NCAM1: variants seen among roughly 807,000 people sequenced by gnomAD.
The protein encoded by NCAM1 is neural cell adhesion molecule 1.
Under a neutral mutation model 109.8 loss-of-function variants are expected in NCAM1, and 14 were observed. That is an observed-to-expected ratio of 0.13 (90% confidence interval 0.08 to 0.20). NCAM1 has a LOEUF of 0.20. Among genes scored for constraint, NCAM1 ranks in the 10% least tolerant of loss-of-function variants. NCAM1 has a pLI of 1.00. For missense variants in NCAM1, 774 were observed against 1,109.9 expected (o/e 0.70, Z 4.30); for synonymous variants, 418 against 442.9 (o/e 0.94, Z 0.70).
At chr11:113,103,478 G>T (rs1939967965) in intron 1 of NCAM1, among the ~76,000 whole-genome samples, 1 of 152,150 alleles carries the variant, frequency 6.6e-6, no homozygotes, top group Admixed American at 6.5e-5. Context: ...TTGTTTGTCA[G>T]CAAAAACTCT....
intron 1 of NCAM1, among the ~76,000 whole-genome samples, chr11:113,195,455 CCACACACACA>C (rs10642528): frequency 7.1e-6 from 1 of 141,492 alleles, no homozygotes; most frequent in Non-Finnish European, 1.5e-5. Flanking sequence ...TAAATACACA[CCACACACACA>C]CACACACACA....
intron 1 of NCAM1, among the ~76,000 whole-genome samples, chr11:113,097,738 T>C (rs1045514304): frequency 6.6e-6 from 1 of 152,134 alleles, no homozygotes. Flanking sequence ...CAAAATAAAT[T>C]GACTTATCAT....
chr11:113,138,342 T>C (rs1941686206), intron 1 of NCAM1, among the ~76,000 whole-genome samples: 1 of 152,220 alleles, frequency 6.6e-6, no homozygotes, highest in Non-Finnish European at 1.5e-5. Flanking sequence ...CTATTCTTTC[T>C]GGTTATCTCA....
chr11:113,191,771 G>GTA (rs1477776957), intron 1 of NCAM1, among the ~76,000 whole-genome samples: 1 of 117,708 alleles, frequency 8.5e-6, no homozygotes, highest in African/African-American at 2.7e-5. Flanking sequence ...GTGTGTGTGT[G>GTA]TGTATATATA....
chr11:113,221,155 C>G (rs1467226712), intron 8 of NCAM1, 141 bp from the exon 9 acceptor site: 1 of 742,596 alleles, frequency 1.3e-6, no homozygotes, highest in Non-Finnish European at 2.2e-6. Flanking sequence ...ATAAACACAC[C>G]ATTGAAAGTG....
chr11:113,018,583 C>T (rs1179053165), intron 1 of NCAM1, among the ~76,000 whole-genome samples: 1 of 152,182 alleles, frequency 6.6e-6, no homozygotes, highest in Non-Finnish European at 1.5e-5. Flanking sequence ...TCATCTTAGT[C>T]ATGAAGACCT....
chr11:113,203,528 G>A (rs1295532172), intron 2 of NCAM1, among the ~76,000 whole-genome samples: 3 of 152,198 alleles, frequency 2.0e-5, no homozygotes, highest in Non-Finnish European at 2.9e-5. Context: ...GGATCTGAGC[G>A]CCCTTCCAGC....
chr11:113,181,388 C>A (rs1332019625), intron 1 of NCAM1, among the ~76,000 whole-genome samples: 1 of 152,140 alleles, frequency 6.6e-6, no homozygotes, highest in Non-Finnish European at 1.5e-5. Context: ...AGTAGGCTAA[C>A]AAATGATGGC....
At chr11:113,141,693 G>A (rs1387752231) in intron 1 of NCAM1, among the ~76,000 whole-genome samples, 2 of 151,954 alleles carry the variant, frequency 1.3e-5, no homozygotes, top group Non-Finnish European at 1.5e-5. Flanking sequence ...AGGGATTTTA[G>A]TTTAAAAATA....
intron 1 of NCAM1, among the ~76,000 whole-genome samples, chr11:113,028,804 G>A (rs1952633740): frequency 6.6e-6 from 1 of 152,178 alleles, no homozygotes; most frequent in African/African-American, 2.4e-5. Flanking sequence ...CAGTTGCTCA[G>A]AGAGTATTTA....
At chr11:113,066,517 A>G (rs1484335863) in intron 1 of NCAM1, among the ~76,000 whole-genome samples, 3 of 152,120 alleles carry the variant, frequency 2.0e-5, no homozygotes, top group Admixed American at 2.0e-4. Context: ...AGGCCTCTCA[A>G]TTCCTGGTTT....
At chr11:113,232,412 C>T (rs1565516900) in intron 11 of NCAM1, 58 bp downstream of exon 11, 15 of 1,496,990 alleles carry the variant, frequency 1.0e-5, no homozygotes, top group Non-Finnish European at 3.6e-6. Context: ...TCTAGGTGGG[C>T]TCCAAAATGC....
chr11:113,045,317 G>A (rs190439757), intron 1 of NCAM1, among the ~76,000 whole-genome samples: 6 of 150,884 alleles, frequency 4.0e-5, no homozygotes, highest in East Asian at 2.0e-4. Flanking sequence ...CCGTTTTCAG[G>A]GGATGGATGA....
intron 1 of NCAM1, among the ~76,000 whole-genome samples, chr11:113,089,134 G>A (rs1218590723): frequency 2.0e-5 from 3 of 152,126 alleles, no homozygotes; most frequent in Admixed American, 6.5e-5. Context: ...CCAACATGGT[G>A]AAACCCTGTC....
chr11:112,997,698 G>C (rs1433811100), intron 1 of NCAM1, among the ~76,000 whole-genome samples: 1 of 152,060 alleles, frequency 6.6e-6, no homozygotes, highest in South Asian at 2.1e-4. Context: ...AGGGACTTAA[G>C]ACCTAAAGAA....
At chr11:113,085,862 C>G (rs1479134758) in intron 1 of NCAM1, among the ~76,000 whole-genome samples, 4 of 152,036 alleles carry the variant, frequency 2.6e-5, no homozygotes, top group Non-Finnish European at 5.9e-5. Flanking sequence ...ATTTATTTCA[C>G]CCAGTTCATA....
At chr11:113,000,831 T>TAC (rs1951730394) in intron 1 of NCAM1, among the ~76,000 whole-genome samples, 2 of 14,818 alleles carry the variant, frequency 1.3e-4, no homozygotes, top group Non-Finnish European at 2.2e-4. Flanking sequence ...TATATATATA[T>TAC]ATATATATAT....
rs1555063074 is a variant in NCAM1, at chr11:112,961,659, C to G, written c.47C>G (p.Thr16Ser). 1 of 1,461,694 alleles carries G rather than the reference C, an allele frequency of 6.8e-7. No individual in the cohort carries two copies. Among genetic ancestry groups the G allele is most frequent in the Admixed American group, 1.8e-5 (1 of 55,282 alleles). The allele number at this position is 1,461,694 out of a possible 1,614,324, so 90.5% of individuals were successfully genotyped here. A position where few individuals can be genotyped will look rare whatever the true frequency, so the allele number is the denominator to read the frequency against. Residue 16 changes from threonine (T) to serine (S), a missense_variant, in exon 1 of 20, where the codon ACT becomes AGT. By Grantham distance (58) the Thr-to-Ser change is moderately conservative. This residue lies in a region of NCAM1 where 112 missense variants were observed against 142.0 expected (regional missense o/e 0.79). Coordinates refer to ENST00000316851, the MANE Select transcript of NCAM1 (RefSeq NM_181351.5). ...ATCTGGACTTTGTTTTTCCTGGGAA[C>G]TGCAGGTACATTTTTTTTTTTTTTA... Reference protein sequence around the residue: ...DLIWTLFFLGTAVSLQVDIVP... With the variant: ...DLIWTLFFLGSAVSLQVDIVP...
chr11:113,224,080 T>G (rs577239730), intron 9 of NCAM1, among the ~76,000 whole-genome samples: 2 of 152,236 alleles, frequency 1.3e-5, no homozygotes, highest in African/African-American at 4.8e-5. Flanking sequence ...TGTCGGACAG[T>G]GGGTTCAGGA....
Sources: gnomAD v4.1 joint callset for allele counts (sites outside exome capture counted in the v4.1 genomes callset) on GRCh38, gnomAD v4.1.1 for gene constraint, gnomAD v4.1.1 regional missense constraint, MANE v1.5 for transcripts, NCBI Gene and HGNC (gene_info 2026-07-23, HGNC 2026-07-21) for gene names.